PIK3C2G: variants seen among roughly 807,000 people sequenced by gnomAD.
PIK3C2G encodes the protein phosphatidylinositol-4-phosphate 3-kinase catalytic subunit type 2 gamma.
In PIK3C2G, 168 loss-of-function variants were observed where a neutral mutation model predicts 181.1. The observed-to-expected ratio is 0.93, with a 90% CI of 0.82 to 1.05. The LOEUF is 1.05. Ranked by LOEUF, PIK3C2G falls within the 50% of genes least tolerant of loss-of-function variation. The probability of loss-of-function intolerance (pLI) is 0.00; values close to 1 mark genes in which losing one functional copy is unlikely to be tolerated. For synonymous variants in PIK3C2G, 573 were observed against 592.2 expected (o/e 0.97, Z 0.47); for missense variants, 1,869 against 1,732.8 (o/e 1.08, Z -1.40).
chr12:18,509,156 A>G (rs368138207), intron 24 of PIK3C2G, among the ~76,000 whole-genome samples: 20 of 152,156 alleles, frequency 1.3e-4, no homozygotes, highest in African/African-American at 4.6e-4. Flanking sequence ...GGTTCAAGCA[A>G]TTCCCCTGCC....
chr12:18,289,993 G>T (rs1349160128), intron 3 of PIK3C2G, among the ~76,000 whole-genome samples: 1 of 152,112 alleles, frequency 6.6e-6, no homozygotes, highest in Admixed American at 6.6e-5. Context: ...TGATCACAGG[G>T]AATCAAGCTA....
chr12:18,726,564 A>G, the PIK3C2G span, among the ~76,000 whole-genome samples: 3 of 152,172 alleles, frequency 2.0e-5, no homozygotes, highest in Admixed American at 2.0e-4. Context: ...AGGGAAAATA[A>G]AATTCAAAAT....
intron 18 of PIK3C2G, among the ~76,000 whole-genome samples, chr12:18,488,143 A>T (rs989724357): frequency 9.9e-5 from 15 of 152,272 alleles, no homozygotes; most frequent in African/African-American, 3.6e-4. Context: ...TAAGAAGTCA[A>T]AAGCATGTTC....
intron 18 of PIK3C2G, among the ~76,000 whole-genome samples, chr12:18,432,036 C>T (rs572016813): frequency 3.2e-4 from 48 of 152,284 alleles, no homozygotes; most frequent in Admixed American, 7.2e-4. Flanking sequence ...AGGCATAATA[C>T]AGGAACAGTT....
At position 18,324,231 on chromosome 12, in the gene PIK3C2G, C is replaced by A. The variant is rs928121425; in HGVS notation, c.1209-804C>A. 2.8e-3 allele frequency among the ~76,000 whole-genome samples: 426 copies of A among 151,156 alleles called. 9 individuals carry two copies. Among genetic ancestry groups the A allele is most frequent in the Non-Finnish European group, 1.0e-3 (68 of 67,798 alleles). On this transcript the variant is annotated intron_variant, in intron 7 of 32. Transcript: ENST00000538779. ...GACACTCCGTCTCAAAAAAAAAAAA[C>A]CACTGCCATTGCCCAAATCTTTAGT...
At chr12:18,449,180 C>T (rs950039952) in intron 18 of PIK3C2G, among the ~76,000 whole-genome samples, 5 of 152,076 alleles carry the variant, frequency 3.3e-5, no homozygotes, top group African/African-American at 1.2e-4. Context: ...TCTCTAGGCT[C>T]ACTATTCTGT....
intron 1 of PIK3C2G, among the ~76,000 whole-genome samples, chr12:18,253,378 T>TA (rs953994675): frequency 2.6e-5 from 4 of 151,940 alleles, no homozygotes; most frequent in Admixed American, 6.6e-5. Flanking sequence ...AGACAGTTGT[T>TA]AAAAAAAATT....
the PIK3C2G span, among the ~76,000 whole-genome samples, chr12:18,672,698 C>G: frequency 6.6e-6 from 1 of 152,102 alleles, no homozygotes. Context: ...GGAACATGAC[C>G]ATCCCAAGGT....
chr12:18,287,866 AG>A (rs1949518685), intron 3 of PIK3C2G, among the ~76,000 whole-genome samples: 1 of 147,136 alleles, frequency 6.8e-6, no homozygotes, highest in Non-Finnish European at 1.5e-5. Context: ...GTCTCAAAAA[AG>A]AAAAAAAAAA....
chr12:18,319,284 C>G (rs1565593136), intron 6 of PIK3C2G, among the ~76,000 whole-genome samples: 1 of 151,962 alleles, frequency 6.6e-6, no homozygotes, highest in Non-Finnish European at 1.5e-5. Context: ...TCTTATAGCT[C>G]AGGGGAACAT....
In PIK3C2G at chr12:18,567,062, G is replaced by A; in HGVS notation, c.4011+5G>A. ...GTATCACATGAAGTTACAAACGTATGTTATAATTAATTTTTCTATTTTTAC... is the reference window on the plus strand; with the variant it reads ...GTATCACATGAAGTTACAAACGTATATTATAATTAATTTTTCTATTTTTAC... On this transcript the variant is annotated splice_donor_5th_base_variant and intron_variant, in intron 29 of 32. Transcript: ENST00000538779. 1 of 1,197,442 alleles carries A rather than the reference G, an allele frequency of 8.4e-7. No individual in the cohort carries two copies. Among genetic ancestry groups the A allele is most frequent in the Non-Finnish European group, 1.2e-6 (1 of 822,334 alleles). The allele number at this position is 1,197,442 out of a possible 1,614,324, so 74.2% of individuals were successfully genotyped here.
intron 11 of PIK3C2G, among the ~76,000 whole-genome samples, chr12:18,349,175 T>C (rs560167539): frequency 1.3e-5 from 2 of 152,246 alleles, no homozygotes; most frequent in South Asian, 2.1e-4. Context: ...ACTTCTGCCA[T>C]ATTGTATCCT....
chr12:18,679,206 T>C, the PIK3C2G span, among the ~76,000 whole-genome samples: 1 of 152,048 alleles, frequency 6.6e-6, no homozygotes, highest in South Asian at 2.1e-4. Flanking sequence ...ATTCTTCATA[T>C]AGTCTGGATA....
chr12:18,450,169 C>T (rs759765384), intron 18 of PIK3C2G, among the ~76,000 whole-genome samples: 5 of 152,088 alleles, frequency 3.3e-5, no homozygotes, highest in Non-Finnish European at 5.9e-5. Flanking sequence ...TATTATTGCC[C>T]GGACTGCAGT....
intron 1 of PIK3C2G, among the ~76,000 whole-genome samples, chr12:18,271,351 A>T (rs1031304557): frequency 1.1e-4 from 16 of 152,104 alleles, no homozygotes; most frequent in African/African-American, 3.9e-4. Context: ...CTTCAAAGCC[A>T]TTCAATCATG....
intron 5 of PIK3C2G, among the ~76,000 whole-genome samples, chr12:18,295,442 T>C (rs1278806264): frequency 6.6e-6 from 1 of 152,012 alleles, no homozygotes; most frequent in Admixed American, 6.6e-5. Context: ...AATATTTGCA[T>C]TAAGTTTTAG....
the PIK3C2G span, chr12:18,723,588 T>A: frequency 7.2e-7 from 1 of 1,391,774 alleles, no homozygotes; most frequent in African/African-American, 1.4e-5. Context: ...GTATAAAAAA[T>A]ACATAAAATG....
At position 18,321,037 on chromosome 12, in the gene PIK3C2G, G is replaced by T; in HGVS notation, c.1208+5G>T. 7.1e-7 allele frequency: 1 copy of T among 1,409,456 alleles called. No homozygotes were observed. Among genetic ancestry groups the T allele is most frequent in the East Asian group, 2.3e-5 (1 of 43,502 alleles). The allele number at this position is 1,409,456 out of a possible 1,614,324, so 87.3% of individuals were successfully genotyped here. On this transcript the variant is annotated splice_donor_5th_base_variant and intron_variant, in intron 7 of 32. Coordinates refer to ENST00000538779, the MANE Select transcript of PIK3C2G (RefSeq NM_001288772.2). ...GCATATTTGGAAAGTATCCAGGTAAGATATTTTATATTTGTTCCAAGACTA... is the reference window on the plus strand; with the variant it reads ...GCATATTTGGAAAGTATCCAGGTAATATATTTTATATTTGTTCCAAGACTA...
At chr12:18,585,782 A>G (rs949462149) in intron 29 of PIK3C2G, among the ~76,000 whole-genome samples, 3 of 152,192 alleles carry the variant, frequency 2.0e-5, no homozygotes, top group Non-Finnish European at 4.4e-5. Context: ...CTCTAAAATC[A>G]ATCACACAAT....
Sources: gnomAD v4.1 joint callset for allele counts (sites outside exome capture counted in the v4.1 genomes callset) on GRCh38, gnomAD v4.1.1 for gene constraint, MANE v1.5 for transcripts, NCBI Gene and HGNC (gene_info 2026-07-23, HGNC 2026-07-21) for gene names.